Variants in ITGA1 observed in about 807,000 individuals in gnomAD.
The protein encoded by ITGA1 is integrin subunit alpha 1.
In ITGA1, 85 loss-of-function variants were observed where a neutral mutation model predicts 145.9. That is an observed-to-expected ratio of 0.58 (90% CI 0.49 to 0.70). The LOEUF is 0.70. ITGA1 is among the 30% of genes least tolerant of loss of function. The pLI, the probability that ITGA1 is intolerant of heterozygous loss-of-function variation, is 0.00. For synonymous variants in ITGA1, 520 were observed against 495.3 expected (o/e 1.05, Z -0.66); for missense variants, 1,351 against 1,418.7 (o/e 0.95, Z 0.77).
chr5:52,925,517 C>A, intron 19 of ITGA1, 30 bp downstream of exon 19: 1 of 1,488,788 alleles, frequency 6.7e-7, no homozygotes, highest in South Asian at 1.1e-5. Context: ...TTTATTTGTT[C>A]TCTTAACATC....
Position 52,956,473 on chromosome 5 carries a change from A to T in ITGA1, c.*4022A>T, listed in dbSNP as rs1383425492. On this transcript the variant is annotated 3_prime_UTR_variant, in exon 29 of 29. Coordinates refer to ENST00000282588, the MANE Select transcript of ITGA1 (RefSeq NM_181501.2). Reference sequence around the variant, plus strand: ...CAAGACTACTGGAGAAAAATCTGTTAATAAAACATTTGCTCTGAGTACCAG... The same window carrying T: ...CAAGACTACTGGAGAAAAATCTGTTTATAAAACATTTGCTCTGAGTACCAG... The T allele has an allele frequency of 1.3e-5, 2 of 152,206 alleles. No homozygotes were observed. Among genetic ancestry groups the T allele is most frequent in the Non-Finnish European group, 2.9e-5 (2 of 68,042 alleles). The allele number at this position is 152,206 out of a possible 1,614,324, so 9.4% of individuals were successfully genotyped here. A position where few individuals can be genotyped will look rare whatever the true frequency, so the allele number is the denominator to read the frequency against.
chr5:52,930,176 T>G (rs1028744860), intron 21 of ITGA1, among the ~76,000 whole-genome samples: 4 of 152,142 alleles, frequency 2.6e-5, no homozygotes, highest in Non-Finnish European at 5.9e-5. Context: ...AAAGGCTCAA[T>G]AAGGAAAGTG....
intron 23 of ITGA1, among the ~76,000 whole-genome samples, 170 bp from the exon 24 acceptor site, chr5:52,937,231 T>G (rs1750979950): frequency 6.6e-6 from 1 of 152,230 alleles, no homozygotes; most frequent in Non-Finnish European, 1.5e-5. Flanking sequence ...TATTTTCTGC[T>G]GGCTGAATTA....
intron 26 of ITGA1, among the ~76,000 whole-genome samples, chr5:52,940,431 C>T (rs1278076043): frequency 3.5e-5 from 5 of 141,554 alleles, no homozygotes; most frequent in East Asian, 2.1e-4. Context: ...TTTTTTGAGA[C>T]GGAGTGTCTC....
intron 1 of ITGA1, among the ~76,000 whole-genome samples, chr5:52,836,304 A>G (rs1386719974): frequency 1.3e-5 from 2 of 152,240 alleles, no homozygotes; most frequent in Non-Finnish European, 1.5e-5. Flanking sequence ...AATAGCACAG[A>G]GCCAGTACAT....
At chr5:52,887,425 A>G (rs147517944) in intron 7 of ITGA1, among the ~76,000 whole-genome samples, 48 of 152,322 alleles carry the variant, frequency 3.2e-4, no homozygotes, top group African/African-American at 1.1e-3. Context: ...TAGACGCAGA[A>G]GAAAAGAGGC....
intron 9 of ITGA1, 86 bp downstream of exon 9, chr5:52,893,926 CA>C: frequency 2.2e-6 from 2 of 925,136 alleles, no homozygotes; most frequent in Non-Finnish European, 1.6e-6. Flanking sequence ...CCTAATACAT[CA>C]GTAATACTTT....
chr5:52,869,666 G>C (rs184634927), intron 6 of ITGA1, among the ~76,000 whole-genome samples: 1 of 152,154 alleles, frequency 6.6e-6, no homozygotes, highest in Non-Finnish European at 1.5e-5. Flanking sequence ...AGTCCTCAAT[G>C]AGCACTTGTT....
At chr5:52,920,623 G>A (rs1017231856) in intron 17 of ITGA1, among the ~76,000 whole-genome samples, 155 bp downstream of exon 17, 4 of 152,116 alleles carry the variant, frequency 2.6e-5, no homozygotes, top group African/African-American at 4.8e-5. Context: ...TCATAAAATC[G>A]CAGGTCTAAT....
At chr5:52,894,342 G>T (rs139806994) in intron 9 of ITGA1, among the ~76,000 whole-genome samples, 3 of 152,018 alleles carry the variant, frequency 2.0e-5, no homozygotes, top group Non-Finnish European at 2.9e-5. Flanking sequence ...AAAATCCATG[G>T]CAATGAAACA....
intron 1 of ITGA1, chr5:52,802,225 ATC>A (rs1748503952): frequency 6.1e-6 from 1 of 162,784 alleles, no homozygotes; most frequent in Non-Finnish European, 1.3e-5. Context: ...TTGCTATCTT[ATC>A]CTGTTTACAT....
At chr5:52,855,295 A>G (rs1234411363) in intron 2 of ITGA1, among the ~76,000 whole-genome samples, 1 of 152,170 alleles carries the variant, frequency 6.6e-6, no homozygotes, top group Non-Finnish European at 1.5e-5. Flanking sequence ...GTGTCACTCA[A>G]AGGCATGTAT....
At chr5:52,899,548 C>CT (rs1750282478) in intron 11 of ITGA1, among the ~76,000 whole-genome samples, 1 of 152,086 alleles carries the variant, frequency 6.6e-6, no homozygotes, top group Non-Finnish European at 1.5e-5. Flanking sequence ...CAGACAACAG[C>CT]TAGAGTATCT....
chr5:52,900,964 G>A (rs756265557), intron 11 of ITGA1, among the ~76,000 whole-genome samples: 1 of 152,038 alleles, frequency 6.6e-6, no homozygotes, highest in Admixed American at 6.6e-5. Flanking sequence ...TATTGTGGTA[G>A]GCAGAATAAT....
intron 26 of ITGA1, among the ~76,000 whole-genome samples, chr5:52,943,569 G>C (rs540436824): frequency 1.3e-5 from 2 of 152,124 alleles, no homozygotes; most frequent in Non-Finnish European, 2.9e-5. Flanking sequence ...GGTAGGGAGA[G>C]GCCTCCTCCA....
At chr5:52,909,104 A>C (rs1177718884) in intron 13 of ITGA1, 63 bp downstream of exon 13, 4 of 1,520,296 alleles carry the variant, frequency 2.6e-6, no homozygotes, top group Non-Finnish European at 3.6e-6. Flanking sequence ...ATTTTTTAAT[A>C]ATAAATTCCA....
Position 52,955,667 on chromosome 5 carries a change from T to G in ITGA1, c.*3216T>G, listed in dbSNP as rs1751293982. On this transcript the variant is annotated 3_prime_UTR_variant, in exon 29 of 29. Transcript: ENST00000282588. The stretch of plus-strand genomic sequence containing the variant: ...ACCTACACAAGCCACAAAAAAATTG[T>G]CTCATTTTCCCAAGGAATTCAAAGT... 1 of 152,144 alleles carries G rather than the reference T, an allele frequency of 6.6e-6. No homozygotes were observed. The highest frequency in any genetic ancestry group is 2.4e-5 in the African/African-American group (1 of 41,436). 9.4% of individuals were successfully genotyped at this position (152,144 alleles called of 1,614,324 possible). A position where few individuals can be genotyped will look rare whatever the true frequency, so the allele number is the denominator to read the frequency against.
At chr5:52,908,784 C>A in intron 12 of ITGA1, 114 bp from the exon 13 acceptor site, 1 of 1,125,490 alleles carries the variant, frequency 8.9e-7, no homozygotes, top group Non-Finnish European at 1.3e-6. Flanking sequence ...TCTTTCATTT[C>A]CTTTGCCAAC....
chr5:52,923,517 C>T (rs1338837574), intron 18 of ITGA1, among the ~76,000 whole-genome samples: 1 of 152,124 alleles, frequency 6.6e-6, no homozygotes, highest in Non-Finnish European at 1.5e-5. Context: ...ATCTACTCTT[C>T]AAGAAAATAG....
Sources: gnomAD v4.1 joint callset for allele counts (sites outside exome capture counted in the v4.1 genomes callset) on GRCh38, gnomAD v4.1.1 for gene constraint, MANE v1.5 for transcripts, NCBI Gene and HGNC (gene_info 2026-07-23, HGNC 2026-07-21) for gene names.